SLC41A2: variants seen among roughly 807,000 people sequenced by gnomAD.
The protein encoded by SLC41A2 is solute carrier family 41 member 2, also known as SLC41A1-like 1.
A neutral mutation model predicts 58.3 loss-of-function variants in SLC41A2; 32 were observed. That is an observed-to-expected ratio of 0.55 (90% CI 0.41 to 0.74). The LOEUF is 0.74. Ranked by LOEUF, SLC41A2 falls within the 30% of genes least tolerant of loss-of-function variation. The probability of loss-of-function intolerance (pLI) is 0.00; values close to 1 mark genes in which losing one functional copy is unlikely to be tolerated. For synonymous variants in SLC41A2, 190 were observed against 235.0 expected (o/e 0.81, Z 1.75); for missense variants, 514 against 680.6 (o/e 0.76, Z 2.72).
intron 6 of SLC41A2, among the ~76,000 whole-genome samples, chr12:104,869,605 G>GT (rs2043657717): frequency 6.6e-6 from 1 of 152,148 alleles, no homozygotes; most frequent in African/African-American, 2.4e-5. Context: ...AATGTTTACT[G>GT]TAAATGTATT....
intron 10 of SLC41A2, among the ~76,000 whole-genome samples, chr12:104,827,568 T>C (rs1255344496): frequency 2.0e-5 from 3 of 152,262 alleles, no homozygotes; most frequent in Non-Finnish European, 2.9e-5. Context: ...CACTTATCTC[T>C]GTAATCTTTG....
intron 10 of SLC41A2, among the ~76,000 whole-genome samples, chr12:104,815,130 C>G (rs2468094): frequency 6.6e-6 from 1 of 151,952 alleles, no homozygotes; most frequent in African/African-American, 2.4e-5. Flanking sequence ...TAAATTTATT[C>G]GTTTTTTGCA....
chr12:104,818,069 C>G (rs1212540016), intron 10 of SLC41A2, among the ~76,000 whole-genome samples: 3 of 152,032 alleles, frequency 2.0e-5, no homozygotes, highest in East Asian at 1.9e-4. Context: ...ATACATATAT[C>G]AAAACAGCAT....
chr12:104,831,033 A>G (rs974855689), intron 10 of SLC41A2, among the ~76,000 whole-genome samples: 1 of 152,174 alleles, frequency 6.6e-6, no homozygotes, highest in African/African-American at 2.4e-5. Flanking sequence ...TGTATATAGT[A>G]TAATAGTACT....
chr12:104,886,462 C>A, intron 5 of SLC41A2, 23 bp from the exon 6 acceptor site: 1 of 1,606,518 alleles, frequency 6.2e-7, no homozygotes, highest in Non-Finnish European at 8.5e-7. Flanking sequence ...ATGTTCATTA[C>A]TTTTTAGGCT....
chr12:104,936,224 A>C (rs1310693297), intron 1 of SLC41A2, among the ~76,000 whole-genome samples: 1 of 152,186 alleles, frequency 6.6e-6, no homozygotes, highest in East Asian at 1.9e-4. Context: ...AATGATAATA[A>C]ATAATGATTT....
In SLC41A2 at chr12:104,848,896, CCACACA is replaced by C. The variant is rs3039361; in HGVS notation, c.1256-2928_1256-2923del. Among the ~76,000 whole-genome samples the C allele has an allele frequency of 1.1e-4, 16 of 147,194 alleles. 1 individual carries two copies. The highest frequency in any genetic ancestry group is 7.9e-4 in the East Asian group (4 of 5,084). On this transcript the variant is annotated intron_variant, in intron 8 of 10. Transcript: ENST00000258538. ...AAGTAGGACTTCTTTAACTTGATAA[CCACACA>C]CACACACACACACACACACACCAAA... is the stretch of plus-strand genomic sequence containing the variant.
At chr12:104,882,171 T>G (rs1387406349) in intron 6 of SLC41A2, among the ~76,000 whole-genome samples, 2 of 152,160 alleles carry the variant, frequency 1.3e-5, no homozygotes, top group Non-Finnish European at 2.9e-5. Context: ...ATTTGCTTGA[T>G]AGATCTTCCT....
At chr12:104,886,184 G>T in intron 6 of SLC41A2, 109 bp downstream of exon 6, 1 of 1,116,922 alleles carries the variant, frequency 9.0e-7, no homozygotes, top group Non-Finnish European at 1.3e-6. Flanking sequence ...AGTCTCAACA[G>T]CAGTTCTAAT....
intron 8 of SLC41A2, among the ~76,000 whole-genome samples, chr12:104,853,821 G>A (rs1003228257): frequency 1.3e-5 from 2 of 150,722 alleles, no homozygotes; most frequent in South Asian, 2.1e-4. Flanking sequence ...ACGGCTCACC[G>A]CATCCTTGAT....
At chr12:104,888,940 T>A (rs1482472557) in intron 5 of SLC41A2, 93 bp downstream of exon 5, 15 of 1,268,218 alleles carry the variant, frequency 1.2e-5, no homozygotes, top group Non-Finnish European at 1.4e-5. Flanking sequence ...GTTGTTTTCA[T>A]AACAGGTATC....
chr12:104,834,333 T>C (rs925569581), intron 10 of SLC41A2, among the ~76,000 whole-genome samples: 1 of 152,180 alleles, frequency 6.6e-6, no homozygotes, highest in East Asian at 1.9e-4. Context: ...TAACTTCCTA[T>C]CTTAAGGTAA....
intron 6 of SLC41A2, among the ~76,000 whole-genome samples, chr12:104,878,062 C>T (rs1464936658): frequency 3.3e-5 from 5 of 151,754 alleles, no homozygotes; most frequent in East Asian, 3.9e-4. Context: ...GGTCAGTGTG[C>T]ATTATTTTCC....
At chr12:104,943,236 A>G (rs2047579254) in intron 1 of SLC41A2, among the ~76,000 whole-genome samples, 1 of 152,164 alleles carries the variant, frequency 6.6e-6, no homozygotes, top group Non-Finnish European at 1.5e-5. Context: ...GAAAAACAAA[A>G]TTATCTTTTT....
chr12:104,911,606 C>A (rs2046089326), intron 2 of SLC41A2, among the ~76,000 whole-genome samples: 1 of 152,044 alleles, frequency 6.6e-6, no homozygotes, highest in Non-Finnish European at 1.5e-5. Context: ...AAAAGTAAAA[C>A]TTATATCTAT....
chr12:104,830,277 A>C (rs1271532307), intron 10 of SLC41A2, among the ~76,000 whole-genome samples: 1 of 152,218 alleles, frequency 6.6e-6, no homozygotes, highest in South Asian at 2.1e-4. Flanking sequence ...ATGGATATAA[A>C]AATCTGCGGA....
At chr12:104,937,591 C>T (rs1397950644) in intron 1 of SLC41A2, among the ~76,000 whole-genome samples, 1 of 152,162 alleles carries the variant, frequency 6.6e-6, no homozygotes, top group African/African-American at 2.4e-5. Flanking sequence ...TGATGAAATG[C>T]ATCTAACAAC....
At chr12:104,952,296 TA>T (rs1256537700) in intron 1 of SLC41A2, among the ~76,000 whole-genome samples, 2 of 152,190 alleles carry the variant, frequency 1.3e-5, no homozygotes, top group African/African-American at 4.8e-5. Flanking sequence ...GACTCAATGT[TA>T]AAGGACAGAA....
At chr12:104,877,724 C>T (rs917651041) in intron 6 of SLC41A2, among the ~76,000 whole-genome samples, 2 of 152,056 alleles carry the variant, frequency 1.3e-5, no homozygotes, top group African/African-American at 4.8e-5. Flanking sequence ...TCAGGTGGGG[C>T]GTGGTGGCTC....
Sources: gnomAD v4.1 joint callset for allele counts (sites outside exome capture counted in the v4.1 genomes callset) on GRCh38, gnomAD v4.1.1 for gene constraint, MANE v1.5 for transcripts, NCBI Gene and HGNC (gene_info 2026-07-23, HGNC 2026-07-21) for gene names.